MRPL42: variants seen among roughly 807,000 people sequenced by gnomAD.
MRPL42 encodes the protein mitochondrial ribosomal protein L42, also known as large ribosomal subunit protein mL42.
Under a neutral mutation model 17.9 loss-of-function variants are expected in MRPL42, and 17 were observed. The ratio of observed to expected loss-of-function variants is 0.95; its 90% CI spans 0.65 to 1.42. The LOEUF is 1.42. Ranked by LOEUF, MRPL42 falls within the 40% of genes most tolerant of loss-of-function variation. The pLI is 0.00. For synonymous variants in MRPL42, 59 were observed against 54.4 expected (o/e 1.08, Z -0.37); for missense variants, 177 against 175.2 (o/e 1.01, Z -0.06).
intron 4 of MRPL42, among the ~76,000 whole-genome samples, chr12:93,479,794 T>A (rs985510638): frequency 2.6e-5 from 4 of 151,836 alleles, no homozygotes; most frequent in Non-Finnish European, 1.5e-5. Flanking sequence ...CTACCCCATA[T>A]TATAATCTAG....
chr12:93,487,756 A>G (rs1478405138), intron 5 of MRPL42, 96 bp downstream of exon 5: 14 of 1,155,122 alleles, frequency 1.2e-5, no homozygotes, highest in Non-Finnish European at 1.7e-5. Flanking sequence ...GGTGTTTTGC[A>G]TGAGGAAATT....
chr12:93,494,492 G>A (rs549517248), intron 5 of MRPL42, among the ~76,000 whole-genome samples: 1 of 152,310 alleles, frequency 6.6e-6, no homozygotes, highest in South Asian at 2.1e-4. Flanking sequence ...TTTGGCCCAA[G>A]CACCTAGAAG....
intron 4 of MRPL42, among the ~76,000 whole-genome samples, chr12:93,483,014 C>T (rs1460303701): frequency 2.6e-5 from 4 of 152,170 alleles, no homozygotes; most frequent in African/African-American, 4.8e-5. Context: ...TATGCCTCAG[C>T]CACCCAAATA....
At chr12:93,490,571 A>G (rs997313520) in intron 5 of MRPL42, among the ~76,000 whole-genome samples, 1 of 152,160 alleles carries the variant, frequency 6.6e-6, no homozygotes, top group African/African-American at 2.4e-5. Flanking sequence ...CTACATATGT[A>G]TTTTGGATTA....
At chr12:93,500,964 G>T (rs924136313) in intron 5 of MRPL42, 5 of 432,896 alleles carry the variant, frequency 1.2e-5, no homozygotes, top group African/African-American at 2.1e-5. Flanking sequence ...GCAAGACCCA[G>T]TCTCTAGAAA....
chr12:93,476,423 C>T (rs1252159977), intron 2 of MRPL42, among the ~76,000 whole-genome samples: 2 of 152,184 alleles, frequency 1.3e-5, no homozygotes, highest in Non-Finnish European at 2.9e-5. Flanking sequence ...CCCACCTTGG[C>T]CTCCCAAAGT....
chr12:93,489,195 A>G (rs965562753), intron 5 of MRPL42, among the ~76,000 whole-genome samples: 3 of 152,186 alleles, frequency 2.0e-5, no homozygotes, highest in Non-Finnish European at 4.4e-5. Context: ...GGTTAAATCA[A>G]GTGTGATAGA....
intron 4 of MRPL42, among the ~76,000 whole-genome samples, chr12:93,480,488 T>G (rs914882584): frequency 6.6e-5 from 10 of 151,826 alleles, no homozygotes; most frequent in Admixed American, 5.2e-4. Flanking sequence ...GTGGTACTTA[T>G]TTTGAAAAAT....
intron 4 of MRPL42, among the ~76,000 whole-genome samples, chr12:93,485,028 A>AC (rs1880671679): frequency 6.9e-5 from 9 of 130,828 alleles, no homozygotes; most frequent in Non-Finnish European, 1.1e-4. Context: ...ATATATATAT[A>AC]AACAGAGATG....
At chr12:93,472,426 A>G (rs531051033) in intron 2 of MRPL42, among the ~76,000 whole-genome samples, 2 of 152,108 alleles carry the variant, frequency 1.3e-5, no homozygotes, top group Non-Finnish European at 2.9e-5. Context: ...AGTTACAAAA[A>G]TTAGCTGGGC....
chr12:93,476,406 T>G (rs1476586717), intron 2 of MRPL42, among the ~76,000 whole-genome samples: 1 of 152,176 alleles, frequency 6.6e-6, no homozygotes, highest in African/African-American at 2.4e-5. Context: ...TGACCTCAGG[T>G]GATCTGCCCA....
intron 4 of MRPL42, among the ~76,000 whole-genome samples, chr12:93,484,313 C>T (rs958209826): frequency 3.9e-5 from 6 of 152,098 alleles, no homozygotes; most frequent in African/African-American, 1.4e-4. Flanking sequence ...CTCCTGAGCT[C>T]AAGCCTCACA....
At chr12:93,501,073 T>TA (rs1953586019) in intron 5 of MRPL42, 103 bp from the exon 6 acceptor site, 7 of 865,766 alleles carry the variant, frequency 8.1e-6, no homozygotes, top group Non-Finnish European at 1.0e-5. Flanking sequence ...ATTGATTTTT[T>TA]AAAAAAATAG....
intron 4 of MRPL42, among the ~76,000 whole-genome samples, chr12:93,485,664 C>G (rs1182239523): frequency 6.6e-6 from 1 of 151,984 alleles, no homozygotes; most frequent in Non-Finnish European, 1.5e-5. Flanking sequence ...AATCTTGTTA[C>G]ATATATATTA....
chr12:93,481,989 T>G (rs969947906), intron 4 of MRPL42, among the ~76,000 whole-genome samples: 15 of 152,210 alleles, frequency 9.9e-5, no homozygotes, highest in African/African-American at 3.6e-4. Context: ...TCTTTCTTTG[T>G]TGTGTTTCCT....
intron 3 of MRPL42, among the ~76,000 whole-genome samples, chr12:93,478,879 G>T (rs1475172733): frequency 6.6e-6 from 1 of 151,702 alleles, no homozygotes; most frequent in African/African-American, 2.4e-5. Context: ...CAGTGATGTA[G>T]TATCTTCAGC....
At chr12:93,473,622 G>C (rs1335924839) in intron 2 of MRPL42, among the ~76,000 whole-genome samples, 2 of 151,626 alleles carry the variant, frequency 1.3e-5, no homozygotes, top group African/African-American at 4.8e-5. Context: ...GTAGAGATGG[G>C]GTTCCACCAT....
chr12:93,474,083 CACAA>C (rs1880040550), intron 2 of MRPL42, among the ~76,000 whole-genome samples: 1 of 152,062 alleles, frequency 6.6e-6, no homozygotes, highest in Admixed American at 6.6e-5. Flanking sequence ...GTCATGAGGG[CACAA>C]ACAAATGTCT....
chr12:93,470,837 C>T (rs1406603244), intron 2 of MRPL42, among the ~76,000 whole-genome samples: 2 of 152,200 alleles, frequency 1.3e-5, no homozygotes, highest in African/African-American at 2.4e-5. Context: ...TGCATATACA[C>T]CACATATTCT....
Sources: gnomAD v4.1 joint callset for allele counts (sites outside exome capture counted in the v4.1 genomes callset) on GRCh38, gnomAD v4.1.1 for gene constraint, MANE v1.5 for transcripts, NCBI Gene and HGNC (gene_info 2026-07-23, HGNC 2026-07-21) for gene names.